NEK11: variants seen among roughly 807,000 people sequenced by gnomAD.
The protein encoded by NEK11 is NIMA related kinase 11.
NEK11 carries 72 observed loss-of-function variants against 80.7 expected under a neutral mutation model. The ratio of observed to expected loss-of-function variants is 0.89; its 90% CI spans 0.74 to 1.08. The LOEUF is 1.08. Among genes scored for constraint, NEK11 ranks in the 50% least tolerant of loss-of-function variants. The probability of loss-of-function intolerance (pLI) is 0.00; values close to 1 mark genes in which losing one functional copy is unlikely to be tolerated. For synonymous variants in NEK11, 251 were observed against 260.7 expected, an observed-to-expected ratio of 0.96 and a Z score of 0.36; for missense variants, 764 against 763.6, an observed-to-expected ratio of 1.00 and a Z score of -0.01.
At chr3:131,332,772 A>G (rs1439656651) in intron 17 of NEK11, among the ~76,000 whole-genome samples, 1 of 152,230 alleles carries the variant, frequency 6.6e-6, no homozygotes, top group Non-Finnish European at 1.5e-5. Context: ...AAGTGCTTAA[A>G]GGAGCTGATG....
intron 7 of NEK11, among the ~76,000 whole-genome samples, chr3:131,138,370 T>G (rs2149658567): frequency 6.6e-6 from 1 of 152,130 alleles, no homozygotes; most frequent in Admixed American, 6.5e-5. Flanking sequence ...GTCATGTGAC[T>G]TGAGTGCCAG....
At chr3:131,327,073 G>C (rs891712121) in intron 17 of NEK11, 1 of 152,324 alleles carries the variant, frequency 6.6e-6, no homozygotes, top group African/African-American at 2.4e-5. Context: ...CCTGGACCTT[G>C]GACTTCCCAG....
chr3:131,125,204 C>A (rs1042805424), intron 5 of NEK11, among the ~76,000 whole-genome samples: 1 of 152,112 alleles, frequency 6.6e-6, no homozygotes, highest in Non-Finnish European at 1.5e-5. Flanking sequence ...TGAGTTTCTG[C>A]CCATTTGTGT....
chr3:131,196,398 A>G (rs1010248974), intron 14 of NEK11, among the ~76,000 whole-genome samples: 1 of 152,214 alleles, frequency 6.6e-6, no homozygotes, highest in Non-Finnish European at 1.5e-5. Flanking sequence ...TAAGATATGA[A>G]ACAAATAATA....
At chr3:131,329,738 G>C (rs188584316) in intron 17 of NEK11, 3 of 152,226 alleles carry the variant, frequency 2.0e-5, no homozygotes, top group African/African-American at 7.2e-5. Flanking sequence ...TCCAGAGAAA[G>C]AGCATTCTAG....
At chr3:131,341,668 TTC>T (rs1202969391) in intron 17 of NEK11, among the ~76,000 whole-genome samples, 5 of 152,226 alleles carry the variant, frequency 3.3e-5, no homozygotes, top group East Asian at 1.9e-4. Context: ...TGTATTTTGA[TTC>T]TGTTTTATTA....
At chr3:131,234,771 GT>G (rs372987198) in intron 15 of NEK11, among the ~76,000 whole-genome samples, 26 of 141,922 alleles carry the variant, frequency 1.8e-4, no homozygotes, top group Admixed American at 2.1e-4. Context: ...AGTGGGGTTT[GT>G]TTTTTTTTTT....
intron 14 of NEK11, among the ~76,000 whole-genome samples, chr3:131,191,221 G>C (rs559148526): frequency 6.6e-6 from 1 of 152,224 alleles, no homozygotes; most frequent in South Asian, 2.1e-4. Flanking sequence ...CACAAACTTA[G>C]TGGCTTAAGC....
At chr3:131,089,133 A>G (rs930683399) in intron 4 of NEK11, among the ~76,000 whole-genome samples, 3 of 152,254 alleles carry the variant, frequency 2.0e-5, no homozygotes, top group Non-Finnish European at 4.4e-5. Flanking sequence ...TATTAAGTAC[A>G]TGGCCTGTTT....
Position 131,349,556 on chromosome 3 carries a change from G to C in NEK11, c.1719-1G>C. 2 of 1,612,356 alleles carry C rather than the reference G, an allele frequency of 1.2e-6. No individual in the cohort carries two copies. The highest frequency in any genetic ancestry group is 1.7e-6 in the Non-Finnish European group (2 of 1,178,900). On this transcript the variant is annotated splice_acceptor_variant, in intron 17 of 17. Coordinates refer to ENST00000383366, the MANE Select transcript of NEK11 (RefSeq NM_024800.5). LOFTEE classifies it high-confidence loss of function. ...GTAATCTTTTGTAACTTTTTTGACA[G>C]ATCAGCCATGCAGAAGCTGGGGACA...
intron 16 of NEK11, among the ~76,000 whole-genome samples, chr3:131,255,198 G>A (rs988346485): frequency 1.3e-5 from 2 of 152,142 alleles, no homozygotes; most frequent in Non-Finnish European, 2.9e-5. Context: ...GGCTCATAAT[G>A]TAGTTACTAA....
intron 4 of NEK11, among the ~76,000 whole-genome samples, chr3:131,102,349 G>A (rs1226811120): frequency 2.0e-5 from 3 of 152,114 alleles, no homozygotes; most frequent in Non-Finnish European, 4.4e-5. Context: ...CTCCCTTAAG[G>A]ACCACTCGTG....
In NEK11 at chr3:131,234,860, T is replaced by A. The variant is rs922180348; in HGVS notation, c.1560+6172T>A. Reference sequence around the variant, plus strand: ...CTTCTGGCCTTTATTTTATTTTAGGTTCAGGGGGTACATGCGTGAGTTTGT... The same window carrying A: ...CTTCTGGCCTTTATTTTATTTTAGGATCAGGGGGTACATGCGTGAGTTTGT... On this transcript the variant is annotated intron_variant, in intron 15 of 17. Coordinates refer to ENST00000383366, the MANE Select transcript of NEK11 (RefSeq NM_024800.5). 4.6e-5 allele frequency among the ~76,000 whole-genome samples: 7 copies of A among 151,978 alleles called. No homozygotes were observed. In the East Asian group the frequency reaches 1.4e-3, roughly 29 times the overall value.
chr3:131,201,313 A>C (rs957539509), intron 14 of NEK11, among the ~76,000 whole-genome samples: 3 of 151,832 alleles, frequency 2.0e-5, no homozygotes, highest in African/African-American at 7.3e-5. Flanking sequence ...GCTTACAAAT[A>C]GGAAGGGATG....
At chr3:131,323,480 C>T (rs2096919154) in intron 17 of NEK11, among the ~76,000 whole-genome samples, 1 of 152,192 alleles carries the variant, frequency 6.6e-6, no homozygotes, top group Non-Finnish European at 1.5e-5. Context: ...TATCTATCTC[C>T]ATTCTACCTG....
chr3:131,308,703 G>A (rs1162278582), intron 17 of NEK11, among the ~76,000 whole-genome samples: 1 of 152,040 alleles, frequency 6.6e-6, no homozygotes, highest in Non-Finnish European at 1.5e-5. Flanking sequence ...GTTTATACAC[G>A]CACCTGAGGA....
At chr3:131,152,598 C>T (rs753132110) in intron 8 of NEK11, 33 bp from the exon 9 acceptor site, 21 of 1,605,954 alleles carry the variant, frequency 1.3e-5, no homozygotes, top group Non-Finnish European at 3.4e-6. Context: ...TTTTAGTTTA[C>T]CTGAAAAATA....
intron 11 of NEK11, among the ~76,000 whole-genome samples, chr3:131,162,801 G>A (rs528790535): frequency 7.2e-5 from 11 of 152,222 alleles, no homozygotes; most frequent in African/African-American, 2.6e-4. Context: ...GTTTCCAAAC[G>A]AAATCTCATT....
chr3:131,327,534 G>A (rs2109936279), intron 17 of NEK11: 1 of 152,284 alleles, frequency 6.6e-6, no homozygotes, highest in South Asian at 2.1e-4. Flanking sequence ...TCTTCCAGGT[G>A]TTTGAAAAGT....
Sources: gnomAD v4.1 joint callset for allele counts (sites outside exome capture counted in the v4.1 genomes callset) on GRCh38, gnomAD v4.1.1 for gene constraint, MANE v1.5 for transcripts, NCBI Gene and HGNC (gene_info 2026-07-23, HGNC 2026-07-21) for gene names.